Variants in ADAMTS6 observed in about 807,000 individuals in gnomAD.
ADAMTS6 encodes the protein ADAM metallopeptidase with thrombospondin type 1 motif 6, also known as A disintegrin and metalloproteinase with thrombospondin motifs 6.
ADAMTS6 carries 23 observed loss-of-function variants against 144.3 expected under a neutral mutation model. The observed-to-expected ratio is 0.16, with a 90% CI of 0.11 to 0.23. The LOEUF is 0.23. Ranked by LOEUF, ADAMTS6 falls within the 10% of genes least tolerant of loss-of-function variation. The probability of loss-of-function intolerance (pLI) is 1.00; values close to 1 mark genes in which losing one functional copy is unlikely to be tolerated. For synonymous variants in ADAMTS6, 444 were observed against 457.5 expected (o/e 0.97, Z 0.38); for missense variants, 999 against 1,379.6 (o/e 0.72, Z 4.37).
At chr5:65,204,493 T>C (rs1462972808) in intron 20 of ADAMTS6, among the ~76,000 whole-genome samples, 1 of 152,186 alleles carries the variant, frequency 6.6e-6, no homozygotes, top group Non-Finnish European at 1.5e-5. Context: ...CCTGTTATGA[T>C]GCTGGGTACA....
chr5:65,263,481 A>T (rs1458106650), intron 12 of ADAMTS6, among the ~76,000 whole-genome samples: 1 of 151,848 alleles, frequency 6.6e-6, no homozygotes, highest in Non-Finnish European at 1.5e-5. Context: ...CATTTCATCT[A>T]CATGAGCACT....
At chr5:65,272,885 C>T (rs570166949) in intron 12 of ADAMTS6, among the ~76,000 whole-genome samples, 25 of 150,178 alleles carry the variant, frequency 1.7e-4, no homozygotes, top group Non-Finnish European at 1.2e-4. Context: ...CGTACCCCTG[C>T]ACTACAGCCT....
At chr5:65,388,163 C>A (rs540203915) in intron 7 of ADAMTS6, among the ~76,000 whole-genome samples, 1 of 152,192 alleles carries the variant, frequency 6.6e-6, no homozygotes, top group Non-Finnish European at 1.5e-5. Context: ...GAGCCAAGAT[C>A]GCGCCATTGC....
chr5:65,309,741 T>C (rs1186439702), intron 9 of ADAMTS6, among the ~76,000 whole-genome samples: 3 of 152,200 alleles, frequency 2.0e-5, no homozygotes, highest in Non-Finnish European at 2.9e-5. Flanking sequence ...GACAGCAGAC[T>C]TGGCTTTGTA....
At chr5:65,356,606 GT>G (rs1749349185) in intron 7 of ADAMTS6, among the ~76,000 whole-genome samples, 1 of 151,830 alleles carries the variant, frequency 6.6e-6, no homozygotes, top group Admixed American at 6.6e-5. Flanking sequence ...ACCTTTTCTT[GT>G]TTAGCATTTA....
intron 13 of ADAMTS6, 72 bp downstream of exon 13, chr5:65,262,745 A>C: frequency 7.0e-7 from 1 of 1,427,152 alleles, no homozygotes. Flanking sequence ...TACAGATAAC[A>C]TGTGAAACCA....
chr5:65,273,012 A>G (rs1006249249), intron 12 of ADAMTS6, among the ~76,000 whole-genome samples: 3 of 152,092 alleles, frequency 2.0e-5, no homozygotes, highest in Admixed American at 2.0e-4. Flanking sequence ...GGAATTATTT[A>G]CCAGAAAAAC....
chr5:65,422,212 A>T (rs185641611), intron 7 of ADAMTS6, among the ~76,000 whole-genome samples: 2 of 152,372 alleles, frequency 1.3e-5, no homozygotes, highest in East Asian at 3.9e-4. Context: ...ACTGCTCAAC[A>T]TCACTAATCA....
chr5:65,270,978 T>C (rs903892957), intron 12 of ADAMTS6, among the ~76,000 whole-genome samples: 2 of 152,200 alleles, frequency 1.3e-5, no homozygotes, highest in African/African-American at 4.8e-5. Flanking sequence ...AAAGGGTTTA[T>C]GGATCAAAAA....
At chr5:65,210,855 T>C (rs532035380) in intron 20 of ADAMTS6, 37 of 357,850 alleles carry the variant, frequency 1.0e-4, no homozygotes, top group African/African-American at 7.8e-4. Flanking sequence ...AAGCTCTTGC[T>C]GCCACAGGAG....
chr5:65,173,017 A>T lies in ADAMTS6; in HGVS notation c.2911-9T>A. On this transcript the variant is annotated splice_polypyrimidine_tract_variant and intron_variant, in intron 22 of 24. Transcript: ENST00000381055. ...CCACATTTTGGAGTACACTGGAAAT[A>T]AAACAAATAGTAATGAATCACGACA... 6.2e-7 allele frequency: 1 copy of T among 1,610,240 alleles called. No individual in the cohort carries two copies. The highest frequency in any genetic ancestry group is 1.3e-5 in the African/African-American group (1 of 74,882).
intron 11 of ADAMTS6, 107 bp from the exon 12 acceptor site, chr5:65,273,554 C>G (rs17814262): frequency 2.4e-6 from 2 of 828,944 alleles, no homozygotes; most frequent in East Asian, 2.5e-5. Flanking sequence ...ACCCTGGGTA[C>G]CTTTTGCTGC....
intron 11 of ADAMTS6, among the ~76,000 whole-genome samples, chr5:65,275,057 T>C (rs79811369): frequency 0.017 from 2,576 of 151,166 alleles, 71 homozygotes; most frequent in African/African-American, 0.059. Context: ...GACAAAATAT[T>C]AGAAAAGAAG....
chr5:65,191,098 T>C (rs1452109399), intron 21 of ADAMTS6, among the ~76,000 whole-genome samples: 2 of 152,192 alleles, frequency 1.3e-5, no homozygotes, highest in African/African-American at 4.8e-5. Flanking sequence ...CGAATCGTTA[T>C]AGCTGGAACA....
At chr5:65,459,386 C>T (rs1478637645) in intron 4 of ADAMTS6, among the ~76,000 whole-genome samples, 1 of 152,182 alleles carries the variant, frequency 6.6e-6, no homozygotes, top group Non-Finnish European at 1.5e-5. Flanking sequence ...TTTATAAGCT[C>T]TTCATGATGT....
intron 14 of ADAMTS6, among the ~76,000 whole-genome samples, chr5:65,252,382 C>A (rs534169027): frequency 4.0e-4 from 61 of 151,508 alleles, no homozygotes; most frequent in Non-Finnish European, 7.8e-4. Flanking sequence ...GCTGGGATCA[C>A]AGGCGCCCGC....
chr5:65,318,074 CAA>C (rs78876970), intron 9 of ADAMTS6, among the ~76,000 whole-genome samples: 71 of 62,994 alleles, frequency 1.1e-3, no homozygotes, highest in African/African-American at 3.3e-3. Context: ...GACTCCATCT[CAA>C]AAAAAAAAAA....
At chr5:65,265,040 G>A (rs1268095197) in intron 12 of ADAMTS6, among the ~76,000 whole-genome samples, 1 of 152,040 alleles carries the variant, frequency 6.6e-6, no homozygotes, top group African/African-American at 2.4e-5. Flanking sequence ...AATGAGCTGT[G>A]CTAGTTGTAA....
intron 24 of ADAMTS6, among the ~76,000 whole-genome samples, chr5:65,157,815 T>C (rs1356961885): frequency 6.6e-6 from 1 of 152,156 alleles, no homozygotes; most frequent in Non-Finnish European, 1.5e-5. Context: ...TTTTACATAT[T>C]CAGACTAGAA....
Sources: allele counts gnomAD v4.1 joint callset (sites outside exome capture counted in the v4.1 genomes callset), GRCh38; gene constraint gnomAD v4.1.1; transcripts MANE v1.5; gene names NCBI Gene and HGNC (gene_info 2026-07-23, HGNC 2026-07-21).